The following DIP2A variants were observed in gnomAD, a reference collection of about 807,000 sequenced individuals.
The protein encoded by DIP2A is disco-interacting protein 2 homolog A.
In DIP2A, 85 loss-of-function variants were observed where a neutral mutation model predicts 177.4. The observed-to-expected ratio is 0.48, with a 90% CI of 0.40 to 0.57. DIP2A has a LOEUF of 0.57. Among genes scored for constraint, DIP2A ranks in the 20% least tolerant of loss-of-function variants. The pLI, the probability that DIP2A is intolerant of heterozygous loss-of-function variation, is 0.00. For missense variants in DIP2A, 1,791 were observed against 2,100.2 expected (o/e 0.85, Z 2.88); for synonymous variants, 886 against 881.8 (o/e 1.00, Z -0.08).
At chr21:46,470,686 G>A (rs1047655073) in intron 1 of DIP2A, among the ~76,000 whole-genome samples, 3 of 151,704 alleles carry the variant, frequency 2.0e-5, no homozygotes, top group Admixed American at 6.6e-5. Context: ...CAGGAGAATT[G>A]CTTGAACCTG....
At chr21:46,466,255 A>G (rs2054819517) in intron 1 of DIP2A, among the ~76,000 whole-genome samples, 1 of 152,176 alleles carries the variant, frequency 6.6e-6, no homozygotes, top group Admixed American at 6.5e-5. Flanking sequence ...TGCATGGGTA[A>G]AAGATTCATT....
chr21:46,461,342 G>T (rs1050804060), intron 1 of DIP2A, among the ~76,000 whole-genome samples: 2 of 148,052 alleles, frequency 1.4e-5, no homozygotes, highest in Non-Finnish European at 3.0e-5. Flanking sequence ...GATGCTCCTA[G>T]GCAGTCTGAC....
In DIP2A at chr21:46,551,870, C is replaced by T. The variant is rs2060285651; in HGVS notation, c.2996C>T (p.Pro999Leu). 1 of 1,610,628 alleles carries T rather than the reference C, an allele frequency of 6.2e-7. No homozygotes were observed. Among genetic ancestry groups the T allele is most frequent in the African/African-American group, 1.3e-5 (1 of 74,910 alleles). ...CTGCAGTGGCGTGCCCACACCACTC[C>T]TGACCACCCGCTGTTCTTGCTGCTG... ...DVLQWRAHTT[P>L]DHPLFLLLNA... is the part of the protein sequence containing the mutation. The change falls in exon 25 of 38, where the codon CCT becomes CTT. Residue 999 changes from proline to leucine, a missense_variant. Transcript: ENST00000417564.
intron 9 of DIP2A, among the ~76,000 whole-genome samples, chr21:46,531,393 G>T (rs1318943422): frequency 6.6e-6 from 1 of 152,190 alleles, no homozygotes; most frequent in Admixed American, 6.5e-5. Flanking sequence ...AGAAATGGAG[G>T]TAGCTGTTAT....
At chr21:46,522,945 G>A (rs996775407) in intron 8 of DIP2A, among the ~76,000 whole-genome samples, 1 of 151,732 alleles carries the variant, frequency 6.6e-6, no homozygotes, top group Non-Finnish European at 1.5e-5. Flanking sequence ...TTTTTTTTGA[G>A]ATGGAGTCTT....
chr21:46,580,608 C>G, the DIP2A span, among the ~76,000 whole-genome samples: 1 of 152,192 alleles, frequency 6.6e-6, no homozygotes, highest in Non-Finnish European at 1.5e-5. Context: ...ATATTTCATG[C>G]TATCTTCAGG....
rs565560674 is a variant in DIP2A at position 46,554,594 on chromosome 21, G to C, written c.3174G>C (p.Ala1058=). Reference sequence around the variant, plus strand: ...CCACAGGGGTGGACCTCATTGCCGCGTTCTATGGCTGCTTGTACTGTGGCT... The same window carrying C: ...CCACAGGGGTGGACCTCATTGCCGCCTTCTATGGCTGCTTGTACTGTGGCT... ...VYPPGVDLIA[A]FYGCLYCGCV... The change falls in exon 27 of 38, where the codon GCG becomes GCC. Residue 1058 remains alanine (A), a synonymous_variant. Coordinates refer to ENST00000417564, the MANE Select transcript of DIP2A (RefSeq NM_015151.4). The C allele has an allele frequency of 1.2e-6, 2 of 1,611,792 alleles. No individual in the cohort carries two copies. The highest frequency in any genetic ancestry group is 2.2e-5 in the East Asian group (1 of 44,802).
chr21:46,519,412 C>T (rs2058723977), intron 8 of DIP2A, among the ~76,000 whole-genome samples: 1 of 152,162 alleles, frequency 6.6e-6, no homozygotes, highest in African/African-American at 2.4e-5. Flanking sequence ...GTTTAAACGC[C>T]TCTGACATAT....
At chr21:46,549,657 T>C (rs892633074) in intron 21 of DIP2A, 114 bp from the exon 22 acceptor site, 1 of 1,522,000 alleles carries the variant, frequency 6.6e-7, no homozygotes. Flanking sequence ...CCCCATTTGA[T>C]AGACTGCATT....
the DIP2A span, among the ~76,000 whole-genome samples, chr21:46,583,671 C>G: frequency 1.4e-3 from 217 of 152,188 alleles, no homozygotes; most frequent in African/African-American, 4.3e-3. Flanking sequence ...GGGTTAATGC[C>G]ATTATCACAG....
intron 13 of DIP2A, among the ~76,000 whole-genome samples, chr21:46,536,784 G>A (rs778357233): frequency 1.3e-5 from 2 of 152,020 alleles, no homozygotes; most frequent in Non-Finnish European, 2.9e-5. Flanking sequence ...CATGCCTGTA[G>A]TCCCAGCTAC....
chr21:46,511,738 G>C, intron 8 of DIP2A, 124 bp downstream of exon 8: 1 of 1,080,230 alleles, frequency 9.3e-7, no homozygotes, highest in South Asian at 1.9e-5. Context: ...CAGATAAATA[G>C]AACATTGACC....
chr21:46,541,433 C>T (rs2059812528), intron 17 of DIP2A, among the ~76,000 whole-genome samples: 2 of 152,114 alleles, frequency 1.3e-5, no homozygotes, highest in Admixed American at 6.5e-5. Context: ...TTCTGTTTGC[C>T]GGGCTTCACA....
At chr21:46,504,796 G>A (rs2057887457) in intron 6 of DIP2A, among the ~76,000 whole-genome samples, 1 of 152,238 alleles carries the variant, frequency 6.6e-6, no homozygotes. Flanking sequence ...ATGAGAAGCT[G>A]TGGGAAGTTT....
chr21:46,560,432 G>C (rs1320073118), intron 32 of DIP2A, among the ~76,000 whole-genome samples: 1 of 152,252 alleles, frequency 6.6e-6, no homozygotes, highest in Admixed American at 6.5e-5. Context: ...CAAGAGACCA[G>C]TGGGAATAGA....
intron 3 of DIP2A, among the ~76,000 whole-genome samples, chr21:46,491,396 C>CA (rs1335407522): frequency 6.6e-6 from 1 of 151,838 alleles, no homozygotes; most frequent in African/African-American, 2.4e-5. Flanking sequence ...ATACTGAAAA[C>CA]AAAGATTAAG....
In DIP2A at chr21:46,563,699, T is replaced by C. The variant is rs2148916691; in HGVS notation, c.4090-159T>C. On this transcript the variant is annotated intron_variant, in intron 34 of 37. Coordinates refer to ENST00000417564, the MANE Select transcript of DIP2A (RefSeq NM_015151.4). This position sits in a 1 kb window ranked among gnomAD's most constrained non-coding sequence, Gnocchi z 4.3. The stretch of plus-strand genomic sequence containing the variant: ...TAACATCTCTTATTTCTTTCAAAAT[T>C]CAAAGTCAAATTTGGAGCGGCCTCT... 7.5e-7 allele frequency: 1 copy of C among 1,330,682 alleles called. No homozygotes were observed. The highest frequency in any genetic ancestry group is 2.6e-5 in the East Asian group (1 of 38,524). 82.4% of individuals were successfully genotyped at this position (1,330,682 alleles called of 1,614,324 possible). A position where few individuals can be genotyped will look rare whatever the true frequency, so the allele number is the denominator to read the frequency against.
chr21:46,517,054 C>CTTTTTTTTTTTTT (rs71318086), intron 8 of DIP2A, among the ~76,000 whole-genome samples: 1 of 60,826 alleles, frequency 1.6e-5, no homozygotes, highest in Non-Finnish European at 2.9e-5. Flanking sequence ...TTTTCTCTCT[C>CTTTTTTTTTTTTT]TTTTTTTTTT....
intron 32 of DIP2A, among the ~76,000 whole-genome samples, chr21:46,559,835 C>G (rs2060606539): frequency 1.3e-5 from 2 of 152,152 alleles, no homozygotes; most frequent in Non-Finnish European, 2.9e-5. Context: ...CTCTGTCAGC[C>G]CAACAGGCTG....
Sources: gnomAD v4.1 joint callset for allele counts (sites outside exome capture counted in the v4.1 genomes callset) on GRCh38, gnomAD v4.1.1 for gene constraint, Gnocchi (gnomAD v3.1) non-coding constraint, MANE v1.5 for transcripts, NCBI Gene and HGNC (gene_info 2026-07-23, HGNC 2026-07-21) for gene names.